Variants in RCAN2 observed in about 807,000 individuals in gnomAD.
RCAN2 encodes regulator of calcineurin 2, also known as calcipressin-2.
RCAN2 carries 9 observed loss-of-function variants against 23.6 expected under a neutral mutation model. That is an observed-to-expected ratio of 0.38 (90% CI 0.23 to 0.67). The LOEUF is 0.67. RCAN2 is among the 30% of genes least tolerant of loss of function. RCAN2 has a pLI of 0.51. For synonymous variants in RCAN2, 109 were observed against 115.7 expected, an observed-to-expected ratio of 0.94 and a Z score of 0.37; for missense variants, 273 against 302.3, an observed-to-expected ratio of 0.90 and a Z score of 0.72.
Position 46,334,974 on chromosome 6 carries a change from C to G in RCAN2, c.226-86078G>C, listed in dbSNP as rs552440406. Reference sequence around the variant, plus strand: ...GAAGCTGACACACTCGAAAAAATTACAGGGATGAAAATAAAAAGGGTGTTT... The same window carrying G: ...GAAGCTGACACACTCGAAAAAATTAGAGGGATGAAAATAAAAAGGGTGTTT... On this transcript the variant is annotated intron_variant, in intron 2 of 4. Coordinates refer to ENST00000371374, the MANE Select transcript of RCAN2 (RefSeq NM_001251974.2). Among the ~76,000 whole-genome samples, 6 of 152,060 alleles carry G rather than the reference C, an allele frequency of 3.9e-5. No individual in the cohort carries two copies. In the South Asian group the frequency reaches 1.2e-3, roughly 32 times the overall value.
intron 1 of RCAN2, among the ~76,000 whole-genome samples, chr6:46,477,880 T>C (rs1561921731): frequency 6.6e-6 from 1 of 152,188 alleles, no homozygotes; most frequent in African/African-American, 2.4e-5. Context: ...TGGCTAACTC[T>C]AAGTATATGC....
chr6:46,274,570 G>A (rs1767627684), intron 2 of RCAN2, among the ~76,000 whole-genome samples: 1 of 152,126 alleles, frequency 6.6e-6, no homozygotes, highest in African/African-American at 2.4e-5. Flanking sequence ...ACCTTCAAAG[G>A]GTGGTAAAAT....
intron 2 of RCAN2, among the ~76,000 whole-genome samples, chr6:46,353,396 G>A (rs1764722182): frequency 6.6e-6 from 1 of 152,152 alleles, no homozygotes; most frequent in South Asian, 2.1e-4. Context: ...CCAGTATCTA[G>A]AGACAGTGCA....
intron 2 of RCAN2, among the ~76,000 whole-genome samples, chr6:46,371,238 G>A (rs1417054564): frequency 6.6e-6 from 1 of 152,162 alleles, no homozygotes; most frequent in African/African-American, 2.4e-5. Flanking sequence ...CCTCAACGGT[G>A]AGTAGAGGGG....
Position 46,265,060 on chromosome 6 carries a change from G to C in RCAN2, c.226-16164C>G, listed in dbSNP as rs1304510205. ...CACCCCTTTCAGTGCATCTCACCCAGTGGGATGGACACGTCTTTTGTCTTC... is the reference window on the plus strand; with the variant it reads ...CACCCCTTTCAGTGCATCTCACCCACTGGGATGGACACGTCTTTTGTCTTC... On this transcript the variant is annotated intron_variant, in intron 2 of 4. Transcript: ENST00000371374. Among the ~76,000 whole-genome samples, 3 of 152,164 alleles carry C rather than the reference G, an allele frequency of 2.0e-5. No individual in the cohort carries two copies. The East Asian group carries it at 5.8e-4, about 29-fold the overall frequency.
chr6:46,438,656 A>G (rs2150421066), intron 2 of RCAN2: 1 of 152,274 alleles, frequency 6.6e-6, no homozygotes, highest in South Asian at 2.1e-4. Context: ...AAATATAGAA[A>G]AAATATTCCA....
intron 2 of RCAN2, among the ~76,000 whole-genome samples, chr6:46,364,396 G>A (rs773897929): frequency 3.9e-5 from 6 of 152,136 alleles, no homozygotes; most frequent in Admixed American, 6.5e-5. Context: ...AAGGGAAAAG[G>A]CTTGGAAAGG....
chr6:46,465,127 A>G (rs1011857066), intron 1 of RCAN2, among the ~76,000 whole-genome samples: 12 of 152,174 alleles, frequency 7.9e-5, no homozygotes, highest in East Asian at 1.9e-4. Flanking sequence ...CAAACCTAAT[A>G]TCATCATCAA....
At chr6:46,355,650 T>C (rs773507418) in intron 2 of RCAN2, among the ~76,000 whole-genome samples, 11 of 152,212 alleles carry the variant, frequency 7.2e-5, no homozygotes, top group Non-Finnish European at 1.6e-4. Context: ...GGCCAGTCTT[T>C]AATGGAACTT....
intron 2 of RCAN2, among the ~76,000 whole-genome samples, chr6:46,433,165 A>G (rs1177307479): frequency 6.6e-6 from 1 of 152,222 alleles, no homozygotes; most frequent in Non-Finnish European, 1.5e-5. Context: ...AAAATCAGGC[A>G]GTAGGGAGTA....
chr6:46,329,392 CTTT>C (rs1561861380), intron 2 of RCAN2, among the ~76,000 whole-genome samples: 1 of 152,146 alleles, frequency 6.6e-6, no homozygotes, highest in Non-Finnish European at 1.5e-5. Context: ...TCATTTATTT[CTTT>C]ATGTGTCCAC....
intron 1 of RCAN2, among the ~76,000 whole-genome samples, chr6:46,484,790 T>C (rs1768952789): frequency 6.6e-6 from 1 of 152,146 alleles, no homozygotes; most frequent in Non-Finnish European, 1.5e-5. Context: ...ATCTACCAGA[T>C]CCCCACCCAC....
chr6:46,383,161 C>T (rs1765654677), intron 2 of RCAN2, among the ~76,000 whole-genome samples: 1 of 138,524 alleles, frequency 7.2e-6, no homozygotes, highest in Non-Finnish European at 1.6e-5. Flanking sequence ...ATTCGTGCAG[C>T]CTGGGTAGTG....
At chr6:46,437,863 T>C (rs1351888054) in intron 2 of RCAN2, among the ~76,000 whole-genome samples, 1 of 152,184 alleles carries the variant, frequency 6.6e-6, no homozygotes, top group East Asian at 1.9e-4. Context: ...TTCAATGATG[T>C]AATGTTGTGA....
chr6:46,230,155 G>A (rs923019184), intron 4 of RCAN2, among the ~76,000 whole-genome samples: 2 of 152,186 alleles, frequency 1.3e-5, no homozygotes, highest in Admixed American at 6.5e-5. Flanking sequence ...TCTCAGAGGG[G>A]CACCTGGCTG....
chr6:46,469,900 A>T (rs7746703), intron 1 of RCAN2, among the ~76,000 whole-genome samples: 1 of 152,114 alleles, frequency 6.6e-6, no homozygotes, highest in African/African-American at 2.4e-5. Flanking sequence ...GAGGACACAG[A>T]ATTCCTCCCT....
intron 4 of RCAN2, among the ~76,000 whole-genome samples, chr6:46,225,001 C>A (rs1425137297): frequency 3.6e-5 from 5 of 138,928 alleles, no homozygotes; most frequent in Non-Finnish European, 6.1e-5. Flanking sequence ...TCTCATTGTT[C>A]AATTCCCACC....
intron 2 of RCAN2, among the ~76,000 whole-genome samples, chr6:46,265,487 T>C (rs1439915744): frequency 6.6e-6 from 1 of 152,166 alleles, no homozygotes; most frequent in East Asian, 1.9e-4. Context: ...CCACTATAAT[T>C]AGGATGACTA....
intron 2 of RCAN2, among the ~76,000 whole-genome samples, chr6:46,363,122 A>C (rs972001429): frequency 3.3e-5 from 5 of 152,216 alleles, no homozygotes; most frequent in Non-Finnish European, 7.4e-5. Context: ...AGTGGGAATA[A>C]GTAGGAAACT....
Sources: allele counts gnomAD v4.1 joint callset (sites outside exome capture counted in the v4.1 genomes callset), GRCh38; gene constraint gnomAD v4.1.1; transcripts MANE v1.5; gene names NCBI Gene and HGNC (gene_info 2026-07-23, HGNC 2026-07-21).